The following CASQ2 variants were observed in gnomAD, a reference collection of about 807,000 sequenced individuals.
CASQ2 encodes the protein calsequestrin 2.
In CASQ2, 49 loss-of-function variants were observed where a neutral mutation model predicts 46.5. That is an observed-to-expected ratio of 1.05 (90% CI 0.84 to 1.34). The LOEUF is 1.34. Among genes scored for constraint, CASQ2 ranks in the 40% most tolerant of loss-of-function variants. CASQ2 has a pLI of 0.00. For missense variants in CASQ2, 486 were observed against 481.3 expected (o/e 1.01, Z -0.09); for synonymous variants, 174 against 168.5 (o/e 1.03, Z -0.25).
intron 8 of CASQ2, among the ~76,000 whole-genome samples, chr1:115,713,909 G>T (rs891613346): frequency 1.3e-5 from 2 of 152,204 alleles, no homozygotes; most frequent in Non-Finnish European, 2.9e-5. Context: ...ACATGCCACT[G>T]CATTGCCCTG....
At position 115,740,749 on chromosome 1, in the gene CASQ2, G is replaced by C. The variant is rs1209408947; in HGVS notation, c.399C>G (p.Val133=). 6.2e-7 allele frequency: 1 copy of C among 1,611,344 alleles called. No individual in the cohort carries two copies. Among genetic ancestry groups the C allele is most frequent in the East Asian group, 2.2e-5 (1 of 44,830 alleles). Residue 133 remains valine, a synonymous_variant, in exon 3 of 11, where the codon GTC becomes GTG. Coordinates refer to ENST00000261448, the MANE Select transcript of CASQ2 (RefSeq NM_001232.4). ...TTACATCCAAGAGGAACTCCACCAA[G>C]ACATCAGCTGCAAACTCGCCATCAA... ...IEFDGEFAAD[V]LVEFLLDLIE...
intron 5 of CASQ2, among the ~76,000 whole-genome samples, chr1:115,729,408 T>C (rs1647713352): frequency 6.6e-6 from 1 of 152,114 alleles, no homozygotes; most frequent in South Asian, 2.1e-4. Flanking sequence ...AGGGATTTGA[T>C]TGGTTGAAGC....
intron 7 of CASQ2, among the ~76,000 whole-genome samples, chr1:115,724,486 T>A (rs1647503028): frequency 6.6e-6 from 1 of 152,214 alleles, no homozygotes; most frequent in South Asian, 2.1e-4. Flanking sequence ...ATACTTGTTC[T>A]ACATCACTTT....
In CASQ2 at chr1:115,705,270, G is replaced by T. The variant is rs143718767; in HGVS notation, c.861C>A (p.Ile287=). 4.9e-5 allele frequency: 79 copies of T among 1,613,262 alleles called. No homozygotes were observed. The African/African-American group carries it at 1.0e-3, about 20-fold the overall frequency. The change falls in exon 9 of 11, where the codon ATC becomes ATA. Residue 287 remains isoleucine (I), a synonymous_variant. Transcript: ENST00000261448. ...TATTGTCCCGGGCAACCTGTTTCAGGATCTCCAGGAATTCGTAGCCATCTG... is the reference window on the plus strand; with the variant it reads ...TATTGTCCCGGGCAACCTGTTTCAGTATCTCCAGGAATTCGTAGCCATCTG... The part of the protein sequence containing the change: ...SDPDGYEFLE[I]LKQVARDNTD...
chr1:115,767,754 A>G (rs1486789666), intron 1 of CASQ2, among the ~76,000 whole-genome samples: 2 of 152,168 alleles, frequency 1.3e-5, no homozygotes, highest in African/African-American at 4.8e-5. Flanking sequence ...AATCACATAA[A>G]TGAATATGCT....
chr1:115,736,703 G>GT (rs1647977257), intron 4 of CASQ2, among the ~76,000 whole-genome samples: 1 of 152,044 alleles, frequency 6.6e-6, no homozygotes, highest in South Asian at 2.1e-4. Context: ...AAAATTGGAG[G>GT]TTTTTTACAA....
chr1:115,745,032 G>A (rs1376905067), intron 1 of CASQ2, 120 bp from the exon 2 acceptor site: 12 of 739,618 alleles, frequency 1.6e-5, no homozygotes, highest in Non-Finnish European at 2.9e-5. Context: ...GTTACTATGT[G>A]ACCAAGTTGA....
chr1:115,705,230 G>C lies in CASQ2; in HGVS notation c.901C>G (p.Leu301Val). Residue 301 changes from leucine (L) to valine (V), a missense_variant, in exon 9 of 11, where the codon CTG becomes GTG. By Grantham distance (32) the Leu-to-Val change is conservative. Transcript: ENST00000261448. ...TCCGGGTCGATCCACAGGATGCTCA[G>C]ATCGGGGTTGTCAGTATTGTCCCGG... ...VARDNTDNPD[L>V]SILWIDPDDF... 1 of 1,613,890 alleles carries C rather than the reference G, an allele frequency of 6.2e-7. No homozygotes were observed. The highest frequency in any genetic ancestry group is 8.5e-7 in the Non-Finnish European group (1 of 1,179,812).
At chr1:115,761,438 GAA>G (rs369276512) in intron 1 of CASQ2, among the ~76,000 whole-genome samples, 7 of 9,734 alleles carry the variant, frequency 7.2e-4, no homozygotes, top group South Asian at 6.9e-3. Context: ...AGAAGAAGAA[GAA>G]AGAAGAAGAA....
At chr1:115,753,684 C>G (rs1015146179) in intron 1 of CASQ2, among the ~76,000 whole-genome samples, 4 of 152,192 alleles carry the variant, frequency 2.6e-5, no homozygotes, top group African/African-American at 9.7e-5. Flanking sequence ...CCAGTCTCTT[C>G]ATAGGACTTA....
intron 8 of CASQ2, among the ~76,000 whole-genome samples, chr1:115,706,779 C>A (rs1413546341): frequency 4.6e-5 from 7 of 152,152 alleles, no homozygotes; most frequent in Non-Finnish European, 5.9e-5. Context: ...TCCCTATGGC[C>A]TCTGTTTAGC....
chr1:115,720,864 C>T (rs768387620), intron 7 of CASQ2, among the ~76,000 whole-genome samples: 4 of 152,230 alleles, frequency 2.6e-5, no homozygotes, highest in African/African-American at 7.2e-5. Context: ...TTCTTTTTAA[C>T]GCCTATAGAC....
At chr1:115,723,513 C>T (rs1323274542) in intron 7 of CASQ2, among the ~76,000 whole-genome samples, 1 of 151,990 alleles carries the variant, frequency 6.6e-6, no homozygotes, top group Non-Finnish European at 1.5e-5. Context: ...TATCTTTTTG[C>T]TATTACTATT....
intron 4 of CASQ2, among the ~76,000 whole-genome samples, 179 bp from the exon 5 acceptor site, chr1:115,733,153 G>T (rs1413471467): frequency 6.6e-6 from 1 of 152,174 alleles, no homozygotes; most frequent in African/African-American, 2.4e-5. Context: ...CCCCCAAGGA[G>T]TTGGAATTGA....
chr1:115,738,512 G>T (rs1648044817), intron 3 of CASQ2, among the ~76,000 whole-genome samples, 177 bp from the exon 4 acceptor site: 1 of 152,196 alleles, frequency 6.6e-6, no homozygotes, highest in South Asian at 2.1e-4. Context: ...CTGAGGAATA[G>T]AACTTAACTT....
chr1:115,739,574 G>A (rs989811331), intron 3 of CASQ2, among the ~76,000 whole-genome samples: 1 of 152,184 alleles, frequency 6.6e-6, no homozygotes, highest in African/African-American at 2.4e-5. Context: ...TCTTAAAAGG[G>A]CAATGGGAAG....
intron 1 of CASQ2, among the ~76,000 whole-genome samples, chr1:115,764,572 G>T (rs1222488367): frequency 6.6e-6 from 1 of 152,128 alleles, no homozygotes; most frequent in African/African-American, 2.4e-5. Flanking sequence ...TTTAAGTCAG[G>T]GTTACAGCTA....
chr1:115,710,487 C>T (rs908124383), intron 8 of CASQ2, among the ~76,000 whole-genome samples: 1 of 152,302 alleles, frequency 6.6e-6, no homozygotes, highest in African/African-American at 2.4e-5. Flanking sequence ...CATCTTCCTT[C>T]CTCGAGTGCT....
At chr1:115,731,500 T>G (rs1647782402) in intron 5 of CASQ2, among the ~76,000 whole-genome samples, 1 of 152,304 alleles carries the variant, frequency 6.6e-6, no homozygotes, top group South Asian at 2.1e-4. Context: ...TAATATCCTA[T>G]CCAATCCTCC....
Sources: allele counts gnomAD v4.1 joint callset (sites outside exome capture counted in the v4.1 genomes callset), GRCh38; gene constraint gnomAD v4.1.1; transcripts MANE v1.5; gene names NCBI Gene and HGNC (gene_info 2026-07-23, HGNC 2026-07-21).